Variants in USP8 observed in about 807,000 individuals in gnomAD.
USP8 encodes ubiquitin specific peptidase 8.
Under a neutral mutation model 130.0 loss-of-function variants are expected in USP8, and 27 were observed. That is an observed-to-expected ratio of 0.21 (90% confidence interval 0.15 to 0.29). The LOEUF is 0.29. Ranked by LOEUF, USP8 falls within the 10% of genes least tolerant of loss-of-function variation. The probability of loss-of-function intolerance (pLI) is 1.00; values close to 1 mark genes in which losing one functional copy is unlikely to be tolerated. For synonymous variants in USP8, 392 were observed against 444.1 expected, an observed-to-expected ratio of 0.88 and a Z score of 1.48; for missense variants, 1,029 against 1,312.2, an observed-to-expected ratio of 0.78 and a Z score of 3.33.
chr15:50,425,705 ATC>A (rs1207481365), intron 1 of USP8, among the ~76,000 whole-genome samples: 5 of 152,212 alleles, frequency 3.3e-5, no homozygotes, highest in Admixed American at 3.3e-4. Context: ...GCACATAGAC[ATC>A]TGTTTTTTTA....
At chr15:50,491,425 T>C (rs1442961311) in intron 14 of USP8, among the ~76,000 whole-genome samples, 1 of 152,198 alleles carries the variant, frequency 6.6e-6, no homozygotes, top group Admixed American at 6.5e-5. Flanking sequence ...GATTTTAGAG[T>C]TCATTATAAT....
chr15:50,478,994 T>C (rs1017437969), intron 10 of USP8, among the ~76,000 whole-genome samples: 2 of 151,842 alleles, frequency 1.3e-5, no homozygotes, highest in Non-Finnish European at 2.9e-5. Flanking sequence ...AGCAGAGTTG[T>C]AGTGAGCCGA....
At chr15:50,486,731 A>G (rs1330314220) in intron 12 of USP8, among the ~76,000 whole-genome samples, 1 of 152,236 alleles carries the variant, frequency 6.6e-6, no homozygotes, top group Non-Finnish European at 1.5e-5. Flanking sequence ...TAAGAATGAT[A>G]CAATGGACTT....
intron 4 of USP8, among the ~76,000 whole-genome samples, chr15:50,455,311 C>T (rs1282116848): frequency 3.3e-5 from 5 of 151,302 alleles, no homozygotes; most frequent in Non-Finnish European, 7.4e-5. Context: ...GCTCTGGGCT[C>T]AAGCAGTCCT....
chr15:50,486,118 C>A (rs1241640109), intron 12 of USP8, among the ~76,000 whole-genome samples: 3 of 151,966 alleles, frequency 2.0e-5, no homozygotes, highest in Non-Finnish European at 4.4e-5. Flanking sequence ...TTAGGTCATT[C>A]TGCTGTATTT....
At chr15:50,469,314 A>G (rs2051299530) in intron 7 of USP8, among the ~76,000 whole-genome samples, 1 of 152,098 alleles carries the variant, frequency 6.6e-6, no homozygotes, top group Non-Finnish European at 1.5e-5. Flanking sequence ...AAATTTAATA[A>G]AAGACAAGTA....
At position 50,490,360 on chromosome 15, in the gene USP8, C is replaced by T. The variant is rs2141317526; in HGVS notation, c.2069C>T (p.Pro690Leu). ...PPEMAPSSAP[P>L]STPPTHKAKP... ...GAAATGGCTCCTTCATCTGCACCTCCTTCCACCCCTCCAACTCATAAAGCC... is the reference window on the plus strand; with the variant it reads ...GAAATGGCTCCTTCATCTGCACCTCTTTCCACCCCTCCAACTCATAAAGCC... Residue 690 changes from proline to leucine, a missense_variant, in exon 14 of 20, where the codon CCT becomes CTT. This residue lies in a region of USP8 where 486 missense variants were observed against 522.0 expected (regional missense o/e 0.93). Coordinates refer to ENST00000307179, the MANE Select transcript of USP8 (RefSeq NM_005154.5). 1.2e-6 allele frequency: 2 copies of T among 1,614,028 alleles called. No individual in the cohort carries two copies. Among genetic ancestry groups the T allele is most frequent in the Non-Finnish European group, 1.7e-6 (2 of 1,180,004 alleles).
At chr15:50,449,719 C>T (rs1241849292) in intron 4 of USP8, among the ~76,000 whole-genome samples, 1 of 151,038 alleles carries the variant, frequency 6.6e-6, no homozygotes, top group Non-Finnish European at 1.5e-5. Flanking sequence ...GTAGCTGGGA[C>T]TATAGGCACC....
intron 10 of USP8, among the ~76,000 whole-genome samples, chr15:50,478,681 C>T (rs763280754): frequency 1.3e-5 from 2 of 152,152 alleles, no homozygotes; most frequent in Non-Finnish European, 2.9e-5. Flanking sequence ...TCTATTTAAA[C>T]GCTAATCCTT....
chr15:50,490,608 C>A, intron 14 of USP8, 83 bp downstream of exon 14: 1 of 1,508,902 alleles, frequency 6.6e-7, no homozygotes, highest in Non-Finnish European at 8.8e-7. Flanking sequence ...ATGTTAGTGT[C>A]AGGGAGTTGG....
chr15:50,461,360 G>C (rs1212430056), intron 5 of USP8, among the ~76,000 whole-genome samples: 1 of 151,292 alleles, frequency 6.6e-6, no homozygotes, highest in Non-Finnish European at 1.5e-5. Flanking sequence ...CTACTCAGGA[G>C]GCCAAGGTGG....
At chr15:50,479,141 T>C (rs2051674908) in intron 10 of USP8, among the ~76,000 whole-genome samples, 1 of 152,162 alleles carries the variant, frequency 6.6e-6, no homozygotes, top group South Asian at 2.1e-4. Flanking sequence ...GAGATCTGTA[T>C]AAAATCAGCC....
Position 50,508,500 on chromosome 15 carries a change from GT to G in USP8, c.*9416del, listed in dbSNP as rs2052693902. Reference sequence around the variant, plus strand: ...AGAAAGTGGGAGATAGACATTTGTAGTTTTAAATACTTATATCTTAAAGGAT... The same window carrying G: ...AGAAAGTGGGAGATAGACATTTGTAGTTTAAATACTTATATCTTAAAGGAT... On this transcript the variant is annotated 3_prime_UTR_variant, in exon 20 of 20. Coordinates refer to ENST00000307179, the MANE Select transcript of USP8 (RefSeq NM_005154.5). 1.3e-5 allele frequency: 2 copies of G among 152,116 alleles called. No individual in the cohort carries two copies. Among genetic ancestry groups the G allele is most frequent in the Non-Finnish European group, 2.9e-5 (2 of 68,030 alleles). The allele number at this position is 152,116 out of a possible 1,614,324, so 9.4% of individuals were successfully genotyped here. A position where few individuals can be genotyped will look rare whatever the true frequency, so the allele number is the denominator to read the frequency against.
intron 3 of USP8, among the ~76,000 whole-genome samples, chr15:50,448,119 A>G (rs539557297): frequency 6.6e-6 from 1 of 152,238 alleles, no homozygotes; most frequent in Middle Eastern, 3.4e-3. Flanking sequence ...GAAGTTATAT[A>G]TATTTATATG....
intron 15 of USP8, 42 bp downstream of exon 15, chr15:50,492,955 A>G: frequency 6.5e-7 from 1 of 1,544,170 alleles, no homozygotes. Flanking sequence ...TGCTAAAAGG[A>G]TGATCTAACC....
chr15:50,495,698 A>G (rs1466658953), intron 16 of USP8, 150 bp from the exon 17 acceptor site: 4 of 594,296 alleles, frequency 6.7e-6, no homozygotes, highest in African/African-American at 5.6e-5. Context: ...GGCTAGAATT[A>G]TTTTTTGCCA....
chr15:50,491,760 C>G (rs779460390), intron 14 of USP8, among the ~76,000 whole-genome samples: 1 of 152,218 alleles, frequency 6.6e-6, no homozygotes, highest in Non-Finnish European at 1.5e-5. Context: ...AGAAGGCATT[C>G]TCTGCCCCAG....
At position 50,499,129 on chromosome 15, in the gene USP8, A is replaced by G; in HGVS notation, c.*41A>G. 6.5e-7 allele frequency: 1 copy of G among 1,527,984 alleles called. No homozygotes were observed. The highest frequency in any genetic ancestry group is 8.8e-7 in the Non-Finnish European group (1 of 1,137,810). The allele number at this position is 1,527,984 out of a possible 1,614,324, so 94.7% of individuals were successfully genotyped here. A position where few individuals can be genotyped will look rare whatever the true frequency, so the allele number is the denominator to read the frequency against. ...AAACTAGTTATCTTTTAAAAGGCTC[A>G]GCAACACAACTCTTGAAATGCTTAT... On this transcript the variant is annotated 3_prime_UTR_variant, in exon 20 of 20. Transcript: ENST00000307179.
Position 50,498,697 on chromosome 15 carries a change from A to G in USP8, c.3140A>G (p.Asn1047Ser). The change falls in exon 19 of 20, where the codon AAT (asparagine) becomes AGT (serine). Residue 1047 changes from asparagine to serine, a missense_variant. Coordinates refer to ENST00000307179, the MANE Select transcript of USP8 (RefSeq NM_005154.5). ...CAGTATGTTATTGGTCCAAAGAACA[A>G]TTTGAAGAAATATAATTTGTTTTCT... ...LSQYVIGPKN[N>S]LKKYNLFSVS... is the part of the protein sequence containing the mutation. 1.2e-6 allele frequency: 2 copies of G among 1,611,740 alleles called. No individual in the cohort carries two copies. The highest frequency in any genetic ancestry group is 1.1e-5 in the South Asian group (1 of 90,668).
Sources: allele counts gnomAD v4.1 joint callset (sites outside exome capture counted in the v4.1 genomes callset), GRCh38; gene constraint gnomAD v4.1.1; regional missense constraint gnomAD v4.1.1; transcripts MANE v1.5; gene names NCBI Gene and HGNC (gene_info 2026-07-23, HGNC 2026-07-21).